MBD1: variants seen among roughly 807,000 people sequenced by gnomAD.
MBD1 encodes methyl-CpG binding domain protein 1, also known as methyl-CpG-binding domain protein 1.
Under a neutral mutation model 82.6 loss-of-function variants are expected in MBD1, and 25 were observed. The ratio of observed to expected loss-of-function variants is 0.30; its 90% confidence interval spans 0.22 to 0.42. The LOEUF (loss-of-function observed/expected upper bound fraction) is 0.42, where lower values mean the gene tolerates loss of function less well. MBD1 is among the 10% of genes least tolerant of loss of function. The probability of loss-of-function intolerance (pLI) is 1.00; values close to 1 mark genes in which losing one functional copy is unlikely to be tolerated. For missense variants in MBD1, 627 were observed against 819.6 expected (o/e 0.76, Z 2.87); for synonymous variants, 301 against 303.7 (o/e 0.99, Z 0.09).
At chr18:50,274,005 C>T in intron 11 of MBD1, 142 bp from the exon 12 acceptor site, 1 of 1,313,450 alleles carries the variant, frequency 7.6e-7, no homozygotes, top group Non-Finnish European at 1.1e-6. Flanking sequence ...ACTGAGCCTG[C>T]TAGTCTCCTA....
At chr18:50,281,694 A>C, upstream of MBD1, 1 of 419,826 alleles carries the variant, frequency 2.4e-6, no homozygotes, top group East Asian at 3.5e-5. Context: ...CTGCGTGCTG[A>C]CGTTCAACGA....
chr18:50,271,266 A>G, intron 16 of MBD1: 2 of 1,431,160 alleles, frequency 1.4e-6, no homozygotes, highest in Non-Finnish European at 1.8e-6. Context: ...GGGGAGGAGA[A>G]GATGCACCAA....
rs771748932 is a variant in MBD1 at position 50,272,696 on chromosome 18, T to G, written c.1759A>C (p.Thr587Pro). The change falls in exon 15 of 17, where the codon ACA becomes CCA. Residue 587 changes from threonine (T) to proline (P), a missense_variant. Thr to Pro is a conservative substitution (Grantham distance 38). This residue lies in a region of MBD1 where 265 missense variants were observed against 278.4 expected (regional missense o/e 0.95). Transcript: ENST00000269468. ...GCACACCTTGGCAACCAGACTGCTG[T>G]ATCTCGGAAGCGGGTTCCACCCAGG... ...FSLGGTRFRD[T>P]AVWLPRSKDL... is the part of the protein sequence containing the mutation. 3.1e-6 allele frequency: 5 copies of G among 1,614,076 alleles called. No individual in the cohort carries two copies. Among genetic ancestry groups the G allele is most frequent in the Non-Finnish European group, 4.2e-6 (5 of 1,180,034 alleles).
chr18:50,273,936 T>C, intron 11 of MBD1, 73 bp from the exon 12 acceptor site: 1 of 1,561,910 alleles, frequency 6.4e-7, no homozygotes, highest in Non-Finnish European at 8.7e-7. Flanking sequence ...CGGCTCCACA[T>C]GCCTGCTAAT....
Position 50,275,707 on chromosome 18 carries a change from G to A in MBD1, c.685C>T (p.Arg229Trp), listed in dbSNP as rs771787035. Residue 229 changes from arginine to tryptophan, a missense_variant, in exon 8 of 17, where the codon CGG becomes TGG. Coordinates refer to ENST00000269468, the MANE Select transcript of MBD1 (RefSeq NM_015846.4). ...VERSRGCGVC[R>W]GCQTQEDCGH... ...CAATCCTCTTGGGTCTGACAGCCCC[G>A]GCATACTCCACACCCTCGGCTCTGT... is the stretch of plus-strand genomic sequence containing the variant. 6.2e-6 allele frequency: 10 copies of A among 1,614,100 alleles called. No individual in the cohort carries two copies. The highest frequency in any genetic ancestry group is 4.5e-5 in the East Asian group (2 of 44,896).
Position 50,273,456 on chromosome 18 carries a change from C to T in MBD1, c.1462G>A (p.Gly488Ser). Residue 488 changes from glycine to serine, a missense_variant, in exon 13 of 17, where the codon GGC becomes AGC. Physicochemically the swap from Gly to Ser is moderately conservative, Grantham distance 56. Coordinates refer to ENST00000269468, the MANE Select transcript of MBD1 (RefSeq NM_015846.4). ...GGTAAGGCCACAACCCAACTCAGGC[C>T]AGAGCACTGGGCCTCCTGCGTGAGG... ...EALLQEAQCS[G>S]LSWVVALPQV... 6.2e-7 allele frequency: 1 copy of T among 1,614,186 alleles called. No homozygotes were observed. The highest frequency in any genetic ancestry group is 8.5e-7 in the Non-Finnish European group (1 of 1,180,032).
chr18:50,276,264 C>T, intron 6 of MBD1, 114 bp downstream of exon 6: 1 of 1,110,620 alleles, frequency 9.0e-7, no homozygotes, highest in Non-Finnish European at 1.3e-6. Context: ...TGGAGAGCAC[C>T]CTATAAAATG....
At position 50,274,215 on chromosome 18, in the gene MBD1, G is replaced by C. The variant is rs1267624212; in HGVS notation, c.1117C>G (p.Arg373Gly). Residue 373 changes from arginine to glycine, a missense_variant, in exon 11 of 17, where the codon CGT (arginine) becomes GGT (glycine). Physicochemically the swap from Arg to Gly is moderately radical, Grantham distance 125 (BLOSUM62 -2). Around this residue, in one of 6 missense-constraint regions of MBD1, gnomAD observed 12 missense variants for 39.4 expected, o/e 0.30. Transcript: ENST00000269468. ...GCAAACTGCAGGCATTGGCGCCAAC[G>C]ACACTTCTGGCGCTTCTGGTTGCTG... ...GGSNQKRQKC[R>G]WRQCLQFAMK... The C allele has an allele frequency of 6.2e-7, 1 of 1,614,120 alleles. No homozygotes were observed. Among genetic ancestry groups the C allele is most frequent in the South Asian group, 1.1e-5 (1 of 91,070 alleles).
chr18:50,273,527 G>A (rs956369302), intron 12 of MBD1, 37 bp downstream of exon 12: 1 of 1,613,412 alleles, frequency 6.2e-7, no homozygotes, highest in African/African-American at 1.3e-5. Flanking sequence ...ATGCAGCTGG[G>A]TGAGGCTGGG....
Position 50,277,016 on chromosome 18 carries a change from G to A in MBD1, c.226-18C>T, listed in dbSNP as rs755311339. On this transcript the variant is annotated intron_variant, in intron 3 of 16. Coordinates refer to ENST00000269468, the MANE Select transcript of MBD1 (RefSeq NM_015846.4). ...GGATGGGCCTGGAAAGTAAGGGAAG[G>A]AGGAATATGGGTCAGTGGTTGGGTG... The A allele has an allele frequency of 5.5e-5, 88 of 1,614,116 alleles. 4 individuals carry two copies. The South Asian group carries it at 9.1e-4, about 17-fold the overall frequency.
At chr18:50,274,097 C>A (rs1299413318) in intron 11 of MBD1, 89 bp downstream of exon 11, 1 of 1,559,980 alleles carries the variant, frequency 6.4e-7, no homozygotes, top group Non-Finnish European at 8.8e-7. Context: ...GCCCCACCCA[C>A]CCACCTACCA....
chr18:50,281,642 C>T, upstream of MBD1: 1 of 441,634 alleles, frequency 2.3e-6, no homozygotes, highest in Non-Finnish European at 4.0e-6. Context: ...GGCCGGCGCT[C>T]CGCAGCGGTG....
At chr18:50,271,218 C>T in intron 16 of MBD1, 2 of 1,356,470 alleles carry the variant, frequency 1.5e-6, no homozygotes, top group Non-Finnish European at 1.9e-6. Context: ...ACCCAGCTCC[C>T]CCACCCTTAA....
In MBD1 at chr18:50,272,960, G is replaced by A. The variant is rs753095985; in HGVS notation, c.1585-5C>T. Reference sequence around the variant, plus strand: ...AGGCAGGCCTGGGTCTACTGCCTGGGAGAAGTAGGAAACAGGCAACCATTA... The same window carrying A: ...AGGCAGGCCTGGGTCTACTGCCTGGAAGAAGTAGGAAACAGGCAACCATTA... On this transcript the variant is annotated splice_polypyrimidine_tract_variant and splice_region_variant and intron_variant, in intron 13 of 16. Coordinates refer to ENST00000269468, the MANE Select transcript of MBD1 (RefSeq NM_015846.4). 1.2e-6 allele frequency: 2 copies of A among 1,614,118 alleles called. No individual in the cohort carries two copies. The highest frequency in any genetic ancestry group is 2.2e-5 in the South Asian group (2 of 91,062).
chr18:50,268,581 CTG>C (rs2034278848), downstream of MBD1, among the ~76,000 whole-genome samples: 1 of 152,266 alleles, frequency 6.6e-6, no homozygotes, highest in African/African-American at 2.4e-5. Context: ...CGGTGGGTGA[CTG>C]TGGCTGGGAA....
At chr18:50,270,559 GCT>G (rs371349602) in intron 16 of MBD1, 12 of 342,158 alleles carry the variant, frequency 3.5e-5, no homozygotes, top group African/African-American at 2.6e-4. Flanking sequence ...TACAAAGACT[GCT>G]CTGGCTGAAG....
At chr18:50,276,108 C>G (rs927448349) in intron 6 of MBD1, 127 bp from the exon 7 acceptor site, 112 of 1,241,854 alleles carry the variant, frequency 9.0e-5, no homozygotes, top group Admixed American at 2.0e-5. Context: ...ATCACCGTAT[C>G]TGAGAAGGTC....
rs771140995 is a variant in MBD1, at chr18:50,271,451, C to T, written c.*32+18G>A. 1.9e-6 allele frequency: 3 copies of T among 1,614,096 alleles called. No individual in the cohort carries two copies. Among genetic ancestry groups the T allele is most frequent in the Non-Finnish European group, 8.5e-7 (1 of 1,180,018 alleles). On this transcript the variant is annotated intron_variant, in intron 16 of 16. Transcript: ENST00000269468. Reference sequence around the variant, plus strand: ...TAGATCAGTGTTGTCTCTCATAAAGCCAGTCTGCAAATATCACCTTGAATC... The same window carrying T: ...TAGATCAGTGTTGTCTCTCATAAAGTCAGTCTGCAAATATCACCTTGAATC...
downstream of MBD1, chr18:50,267,749 TC>T (rs1312962278): frequency 5.9e-6 from 5 of 845,528 alleles, no homozygotes; most frequent in Non-Finnish European, 9.7e-6. Context: ...ATGCAACAAA[TC>T]AGTACCTACG....
Sources: allele counts gnomAD v4.1 joint callset (sites outside exome capture counted in the v4.1 genomes callset), GRCh38; gene constraint gnomAD v4.1.1; regional missense constraint gnomAD v4.1.1; transcripts MANE v1.5; gene names NCBI Gene and HGNC (gene_info 2026-07-23, HGNC 2026-07-21).